Variants in CNTNAP2 observed in about 807,000 individuals in gnomAD.
CNTNAP2 encodes contactin-associated protein-like 2.
CNTNAP2 carries 98 observed loss-of-function variants against 155.2 expected under a neutral mutation model. The observed-to-expected ratio is 0.63, with a 90% confidence interval of 0.54 to 0.75. CNTNAP2 has a LOEUF of 0.75. Ranked by LOEUF, CNTNAP2 falls within the 30% of genes least tolerant of loss-of-function variation. The pLI, the probability that CNTNAP2 is intolerant of heterozygous loss-of-function variation, is 0.00. For missense variants in CNTNAP2, 1,727 were observed against 1,688.1 expected (o/e 1.02, Z -0.40); for synonymous variants, 651 against 631.2 (o/e 1.03, Z -0.47).
chr7:148,345,044 C>T (rs1798297143), intron 21 of CNTNAP2, among the ~76,000 whole-genome samples: 1 of 152,172 alleles, frequency 6.6e-6, no homozygotes, highest in African/African-American at 2.4e-5. Context: ...AGGAGGGCCA[C>T]ATGGTGAGGT....
At chr7:147,379,723 G>C (rs913641225) in intron 9 of CNTNAP2, among the ~76,000 whole-genome samples, 4 of 151,980 alleles carry the variant, frequency 2.6e-5, no homozygotes, top group Non-Finnish European at 5.9e-5. Flanking sequence ...CTGCTTTACT[G>C]TGAATTTAGC....
chr7:146,856,299 T>C (rs1409351716), intron 3 of CNTNAP2, among the ~76,000 whole-genome samples: 1 of 123,144 alleles, frequency 8.1e-6, no homozygotes, highest in Non-Finnish European at 1.7e-5. Flanking sequence ...GATAGATAGA[T>C]ACATACATAC....
rs188709299 is a variant in CNTNAP2, at chr7:146,698,080, G to A, written c.98-76191G>A. ...TCACAGGCGTCACAGGTACATTAAC[G>A]TATTCCCAATTCCCCCTATGTCATC... On this transcript the variant is annotated intron_variant, in intron 1 of 23. Coordinates refer to ENST00000361727, the MANE Select transcript of CNTNAP2 (RefSeq NM_014141.6). Among the ~76,000 whole-genome samples the A allele has an allele frequency of 2.8e-4, 42 of 152,100 alleles. 2 individuals are homozygous for A. In the East Asian group the frequency reaches 6.6e-3, roughly 24 times the overall value.
intron 9 of CNTNAP2, among the ~76,000 whole-genome samples, chr7:147,383,510 T>C (rs1039833851): frequency 6.6e-6 from 1 of 152,128 alleles, no homozygotes; most frequent in Non-Finnish European, 1.5e-5. Context: ...CATATGTCTT[T>C]ATAGTAGGAA....
intron 9 of CNTNAP2, among the ~76,000 whole-genome samples, chr7:147,375,599 C>T (rs1025650562): frequency 2.6e-5 from 4 of 151,962 alleles, no homozygotes; most frequent in Admixed American, 6.6e-5. Context: ...TACATTCTGC[C>T]GCTTTTCATG....
At chr7:147,164,206 T>C (rs1314616559) in intron 8 of CNTNAP2, among the ~76,000 whole-genome samples, 4 of 152,238 alleles carry the variant, frequency 2.6e-5, no homozygotes, top group Admixed American at 2.6e-4. Flanking sequence ...CTATTTCTTA[T>C]ATTTTGAAAG....
At position 146,933,125 on chromosome 7, in the gene CNTNAP2, G is replaced by A. The variant is rs930508737; in HGVS notation, c.402+93221G>A. ...ATGGCACCAAAAAAGAGCCCGCATCGCCAAGTCAATCCTAAGCCAAAAGAA... is the reference window on the plus strand; with the variant it reads ...ATGGCACCAAAAAAGAGCCCGCATCACCAAGTCAATCCTAAGCCAAAAGAA... On this transcript the variant is annotated intron_variant, in intron 3 of 23. Transcript: ENST00000361727. Among the ~76,000 whole-genome samples the A allele has an allele frequency of 1.9e-3, 283 of 151,966 alleles. 3 individuals carry two copies. The highest frequency in any genetic ancestry group is 4.2e-4 in the South Asian group (2 of 4,814).
intron 1 of CNTNAP2, among the ~76,000 whole-genome samples, chr7:146,459,134 G>C (rs1411653909): frequency 6.6e-6 from 1 of 152,046 alleles, no homozygotes; most frequent in African/African-American, 2.4e-5. Flanking sequence ...GAGAAATCAG[G>C]CCTGCTTCAT....
chr7:147,167,472 C>A, intron 8 of CNTNAP2: 1 of 1,053,352 alleles, frequency 9.5e-7, no homozygotes, highest in East Asian at 2.5e-5. Context: ...CATGCCTGCC[C>A]CTGCCCCACT....
chr7:147,022,764 C>G (rs997895567), intron 3 of CNTNAP2, among the ~76,000 whole-genome samples: 1 of 152,002 alleles, frequency 6.6e-6, no homozygotes, highest in Non-Finnish European at 1.5e-5. Context: ...GAATATCATT[C>G]TTGTGGAATT....
intron 9 of CNTNAP2, among the ~76,000 whole-genome samples, chr7:147,344,738 A>C (rs1584887403): frequency 6.6e-6 from 1 of 152,152 alleles, no homozygotes; most frequent in East Asian, 1.9e-4. Flanking sequence ...GATTAACAGC[A>C]TCCATTATTC....
intron 1 of CNTNAP2, among the ~76,000 whole-genome samples, chr7:146,315,042 C>T (rs1239892959): frequency 6.6e-6 from 1 of 152,128 alleles, no homozygotes; most frequent in African/African-American, 2.4e-5. Context: ...CCAGGGAAGG[C>T]CCTCGTAGGT....
chr7:146,590,199 C>A (rs1418055640), intron 1 of CNTNAP2, among the ~76,000 whole-genome samples: 1 of 152,174 alleles, frequency 6.6e-6, no homozygotes, highest in East Asian at 1.9e-4. Context: ...GTTGTTTCTT[C>A]TACAAGGAAT....
intron 9 of CNTNAP2, among the ~76,000 whole-genome samples, chr7:147,331,634 A>G (rs1217211171): frequency 6.6e-6 from 1 of 152,142 alleles, no homozygotes; most frequent in Non-Finnish European, 1.5e-5. Flanking sequence ...AAAAGCAGGT[A>G]GAGGGATCGG....
intron 1 of CNTNAP2, among the ~76,000 whole-genome samples, chr7:146,540,079 G>T (rs1286720967): frequency 6.6e-6 from 1 of 152,020 alleles, no homozygotes; most frequent in Non-Finnish European, 1.5e-5. Context: ...GCAGAGTTTA[G>T]AACTTAATAG....
chr7:146,477,513 T>A (rs1227829249), intron 1 of CNTNAP2, among the ~76,000 whole-genome samples: 1 of 152,090 alleles, frequency 6.6e-6, no homozygotes, highest in Admixed American at 6.6e-5. Flanking sequence ...TTTTACATAA[T>A]ACATGGAGTT....
At chr7:146,952,515 A>G (rs976556451) in intron 3 of CNTNAP2, among the ~76,000 whole-genome samples, 1 of 152,156 alleles carries the variant, frequency 6.6e-6, no homozygotes, top group East Asian at 1.9e-4. Context: ...ATATGATTGT[A>G]TGTTTAGGAA....
chr7:146,567,736 T>G (rs534375502), intron 1 of CNTNAP2, among the ~76,000 whole-genome samples: 33 of 152,268 alleles, frequency 2.2e-4, no homozygotes, highest in Middle Eastern at 3.4e-3. Context: ...AAACTTTTTT[T>G]GGGGGACGGA....
intron 8 of CNTNAP2, among the ~76,000 whole-genome samples, chr7:147,188,290 T>G (rs1802608863): frequency 6.6e-6 from 1 of 152,018 alleles, no homozygotes; most frequent in African/African-American, 2.4e-5. Flanking sequence ...ATGGTATCAG[T>G]GAAGGAAATG....
Sources: gnomAD v4.1 joint callset for allele counts (sites outside exome capture counted in the v4.1 genomes callset) on GRCh38, gnomAD v4.1.1 for gene constraint, MANE v1.5 for transcripts, NCBI Gene and HGNC (gene_info 2026-07-23, HGNC 2026-07-21) for gene names.